The following TECPR2 variants were observed in gnomAD, a reference collection of about 807,000 sequenced individuals.
TECPR2 encodes tectonin beta-propeller repeat containing 2.
TECPR2 carries 65 observed loss-of-function variants against 138.1 expected under a neutral mutation model. That is an observed-to-expected ratio of 0.47 (90% CI 0.39 to 0.58). The LOEUF (loss-of-function observed/expected upper bound fraction) is 0.58. Ranked by LOEUF, TECPR2 falls within the 20% of genes least tolerant of loss-of-function variation. The probability of loss-of-function intolerance (pLI) is 0.00; values close to 1 mark genes in which losing one functional copy is unlikely to be tolerated. For synonymous variants in TECPR2, 746 were observed against 749.8 expected (o/e 0.99, Z 0.08); for missense variants, 1,553 against 1,824.5 (o/e 0.85, Z 2.71).
At chr14:102,497,534 T>A in intron 18 of TECPR2, 36 bp from the exon 19 acceptor site, 1 of 1,499,248 alleles carries the variant, frequency 6.7e-7, no homozygotes, top group Non-Finnish European at 8.9e-7. Context: ...ATCCCGTCCA[T>A]GGCAGGGGCT....
chr14:102,475,124 G>A (rs1890729811), intron 17 of TECPR2, among the ~76,000 whole-genome samples: 1 of 152,230 alleles, frequency 6.6e-6, no homozygotes, highest in African/African-American at 2.4e-5. Context: ...AGAGTGCCAT[G>A]GAGCCAGCTG....
intron 17 of TECPR2, among the ~76,000 whole-genome samples, chr14:102,469,797 A>G (rs905391592): frequency 6.6e-6 from 1 of 152,132 alleles, no homozygotes; most frequent in Non-Finnish European, 1.5e-5. Context: ...AGTGTTTGTT[A>G]TGATGAAAGG....
rs185970972 is a variant in TECPR2, at chr14:102,402,991, A to G, written c.220-4347A>G. On this transcript the variant is annotated intron_variant, in intron 2 of 19. Coordinates refer to ENST00000359520, the MANE Select transcript of TECPR2 (RefSeq NM_014844.5). ...GAAGAACTAACACTATTTCTTCTCA[A>G]ATTTTTCCAAACAGTTGAAGAGGAG... Among the ~76,000 whole-genome samples the G allele has an allele frequency of 1.2e-3, 178 of 152,316 alleles. 1 individual carries two copies. In the Middle Eastern group the frequency reaches 0.02, roughly 17 times the overall value.
At chr14:102,369,566 A>G (rs1887438579) in intron 1 of TECPR2, among the ~76,000 whole-genome samples, 1 of 151,798 alleles carries the variant, frequency 6.6e-6, no homozygotes, top group South Asian at 2.1e-4. Context: ...ATGGTACTAC[A>G]GGCACGCACC....
chr14:102,440,796 A>G (rs1889808468), intron 11 of TECPR2, among the ~76,000 whole-genome samples, 187 bp downstream of exon 11: 1 of 152,258 alleles, frequency 6.6e-6, no homozygotes, highest in African/African-American at 2.4e-5. Context: ...GCATTGACAC[A>G]AACTCAACCC....
At position 102,376,317 on chromosome 14, in the gene TECPR2, C is replaced by T. The variant is rs151153273; in HGVS notation, c.-72-333C>T. On this transcript the variant is annotated intron_variant, in intron 1 of 19. Coordinates refer to ENST00000359520, the MANE Select transcript of TECPR2 (RefSeq NM_014844.5). ...CATGAAAACCCACAAATTATCACCT[C>T]ATTACTTGTGGATTTGTGTCTTTTC... Among the ~76,000 whole-genome samples the T allele has an allele frequency of 1.4e-4, 22 of 152,306 alleles. No homozygotes were observed. The East Asian group carries it at 1.7e-3, about 12-fold the overall frequency.
chr14:102,470,008 G>C (rs1890623917), intron 17 of TECPR2, among the ~76,000 whole-genome samples: 1 of 152,086 alleles, frequency 6.6e-6, no homozygotes, highest in South Asian at 2.1e-4. Context: ...AAGTTTTGTT[G>C]AGGATTTTTG....
rs1263540340 is a variant in TECPR2, at chr14:102,494,770, G to A, written c.3790-2209G>A. On this transcript the variant is annotated intron_variant, in intron 17 of 19. Coordinates refer to ENST00000359520, the MANE Select transcript of TECPR2 (RefSeq NM_014844.5). Reference sequence around the variant, plus strand: ...ACCTGGGAGGCGGAGGTTGCGGTGAGCCAAGATCACACCATTGCACTCCAG... The same window carrying A: ...ACCTGGGAGGCGGAGGTTGCGGTGAACCAAGATCACACCATTGCACTCCAG... Among the ~76,000 whole-genome samples, 5 of 149,914 alleles carry A rather than the reference G, an allele frequency of 3.3e-5. No individual in the cohort carries two copies. In the Admixed American group the frequency reaches 3.3e-4, roughly 10 times the overall value.
intron 13 of TECPR2, 149 bp from the exon 14 acceptor site, chr14:102,449,480 A>G: frequency 1.5e-6 from 2 of 1,298,532 alleles, no homozygotes; most frequent in Non-Finnish European, 2.1e-6. Flanking sequence ...TCCTTTCACA[A>G]GCGCACACGT....
chr14:102,497,442 C>A, intron 18 of TECPR2, 128 bp from the exon 19 acceptor site: 1 of 1,281,106 alleles, frequency 7.8e-7, no homozygotes, highest in Middle Eastern at 2.8e-4. Context: ...CCAAGCCCAG[C>A]CCATCATGGG....
In TECPR2 at chr14:102,499,064, A is replaced by G. The variant is rs1461018062; in HGVS notation, c.*807A>G. On this transcript the variant is annotated 3_prime_UTR_variant, in exon 20 of 20. Transcript: ENST00000359520. ...CACACCACACCACACCTCACTGCCCACACACGGCGCAGGCTGCCCGCCTCC... is the reference window on the plus strand; with the variant it reads ...CACACCACACCACACCTCACTGCCCGCACACGGCGCAGGCTGCCCGCCTCC... The G allele has an allele frequency of 1.4e-6, 1 of 701,800 alleles. No homozygotes were observed. The highest frequency in any genetic ancestry group is 1.7e-5 in the African/African-American group (1 of 57,212). The allele number at this position is 701,800 out of a possible 1,614,324, so 43.5% of individuals were successfully genotyped here.
intron 12 of TECPR2, among the ~76,000 whole-genome samples, chr14:102,444,486 C>A (rs1889916074): frequency 6.6e-6 from 1 of 152,036 alleles, no homozygotes; most frequent in South Asian, 2.1e-4. Flanking sequence ...AGACATGAGC[C>A]ACTATGCCTG....
At chr14:102,363,361 CAG>C (rs1433613420) in intron 1 of TECPR2, among the ~76,000 whole-genome samples, 2 of 152,150 alleles carry the variant, frequency 1.3e-5, no homozygotes, top group African/African-American at 2.4e-5. Flanking sequence ...CAGCGGGGAA[CAG>C]GGGCCGCCCG....
intron 2 of TECPR2, among the ~76,000 whole-genome samples, chr14:102,387,979 T>C (rs1888059484): frequency 6.6e-6 from 1 of 152,220 alleles, no homozygotes; most frequent in Non-Finnish European, 1.5e-5. Context: ...AAACATGTCT[T>C]GGATATTTCG....
In TECPR2 at chr14:102,376,650, C is replaced by T. The variant is rs1038693643; in HGVS notation, c.-72C>T. ...AGGATTGTAATGCTTTGTTCTGTAG[C>T]CCCCAGGTTTCCCTAGATGACAAAT... is the stretch of plus-strand genomic sequence containing the variant. On this transcript the variant is annotated splice_region_variant and 5_prime_UTR_variant, in exon 2 of 20. Transcript: ENST00000359520. The T allele has an allele frequency of 5.8e-6, 8 of 1,368,702 alleles. No individual in the cohort carries two copies. In the African/African-American group the frequency reaches 8.6e-5, roughly 15 times the overall value. 84.8% of individuals were successfully genotyped at this position (1,368,702 alleles called of 1,614,324 possible).
At chr14:102,382,350 G>A (rs1887859051) in intron 2 of TECPR2, among the ~76,000 whole-genome samples, 1 of 151,754 alleles carries the variant, frequency 6.6e-6, no homozygotes, top group African/African-American at 2.4e-5. Context: ...GTTTTCTTCT[G>A]TGCAAAGAAA....
Position 102,498,336 on chromosome 14 carries a change from C to A in TECPR2, c.*79C>A, listed in dbSNP as rs907079676. 1.4e-6 allele frequency: 2 copies of A among 1,480,422 alleles called. No individual in the cohort carries two copies. The highest frequency in any genetic ancestry group is 1.8e-6 in the Non-Finnish European group (2 of 1,113,222). 91.7% of individuals were successfully genotyped at this position (1,480,422 alleles called of 1,614,324 possible). On this transcript the variant is annotated 3_prime_UTR_variant, in exon 20 of 20. Coordinates refer to ENST00000359520, the MANE Select transcript of TECPR2 (RefSeq NM_014844.5). Reference sequence around the variant, plus strand: ...GGCTTCAGAGTGACTCCCTGGTGGACGCGCTGCCTCAACACTTGTCCAGAC... The same window carrying A: ...GGCTTCAGAGTGACTCCCTGGTGGAAGCGCTGCCTCAACACTTGTCCAGAC...
chr14:102,450,706 G>A (rs1289884129), intron 15 of TECPR2, 57 bp downstream of exon 15: 1 of 1,562,944 alleles, frequency 6.4e-7, no homozygotes, highest in African/African-American at 1.4e-5. Context: ...CATTGGAAAG[G>A]TTCAAACCAC....
chr14:102,388,960 CAA>C (rs778348018), intron 2 of TECPR2, among the ~76,000 whole-genome samples: 3 of 59,398 alleles, frequency 5.1e-5, no homozygotes, highest in Admixed American at 1.8e-4. Context: ...GACTCCGTCT[CAA>C]AAAAAAAAAA....
Sources: allele counts gnomAD v4.1 joint callset (sites outside exome capture counted in the v4.1 genomes callset), GRCh38; gene constraint gnomAD v4.1.1; transcripts MANE v1.5; gene names NCBI Gene and HGNC (gene_info 2026-07-23, HGNC 2026-07-21).